The following PTBP2 variants were observed in gnomAD, a reference collection of about 807,000 sequenced individuals.
PTBP2 encodes the protein polypyrimidine tract binding protein 2, also known as polypyrimidine tract-binding protein 2.
A neutral mutation model predicts 61.4 loss-of-function variants in PTBP2; 13 were observed. That is an observed-to-expected ratio of 0.21 (90% CI 0.14 to 0.34). The LOEUF (loss-of-function observed/expected upper bound fraction) is 0.34, where lower values mean the gene tolerates loss of function less well. Among genes scored for constraint, PTBP2 ranks in the 10% least tolerant of loss-of-function variants. PTBP2 has a pLI of 1.00. For synonymous variants in PTBP2, 215 were observed against 218.5 expected (o/e 0.98, Z 0.14); for missense variants, 405 against 642.6 (o/e 0.63, Z 4.00).
chr1:96,743,227 C>T (rs1653289406), intron 2 of PTBP2, among the ~76,000 whole-genome samples: 1 of 150,852 alleles, frequency 6.6e-6, no homozygotes, highest in Non-Finnish European at 1.5e-5. Context: ...GCGGAGCTTG[C>T]AGTGGCGCCA....
At chr1:96,726,998 A>G (rs1390871969) in intron 2 of PTBP2, among the ~76,000 whole-genome samples, 3 of 152,234 alleles carry the variant, frequency 2.0e-5, no homozygotes, top group Admixed American at 2.0e-4. Flanking sequence ...AACCACTGCA[A>G]TCAAGATAAT....
At chr1:96,767,482 G>A (rs979287895) in intron 3 of PTBP2, among the ~76,000 whole-genome samples, 5 of 151,870 alleles carry the variant, frequency 3.3e-5, no homozygotes, top group Non-Finnish European at 7.4e-5. Flanking sequence ...TAACACATGG[G>A]GCTTTAGGTT....
At chr1:96,734,340 C>T (rs1308743313) in intron 2 of PTBP2, among the ~76,000 whole-genome samples, 1 of 152,136 alleles carries the variant, frequency 6.6e-6, no homozygotes, top group Non-Finnish European at 1.5e-5. Flanking sequence ...GGACTCTCCT[C>T]TCCTTTTTAA....
chr1:96,800,710 G>A (rs987685287), intron 8 of PTBP2, among the ~76,000 whole-genome samples: 2 of 152,054 alleles, frequency 1.3e-5, no homozygotes, highest in Non-Finnish European at 1.5e-5. Flanking sequence ...CTCTAGCCTG[G>A]GTGACAGAGC....
chr1:96,761,015 C>A (rs543594220), intron 3 of PTBP2, among the ~76,000 whole-genome samples: 2 of 152,188 alleles, frequency 1.3e-5, no homozygotes, highest in African/African-American at 4.8e-5. Flanking sequence ...GAATAGTAAG[C>A]ATTGTATGAA....
At chr1:96,723,494 GT>G in intron 1 of PTBP2, 69 bp from the exon 2 acceptor site, 1 of 1,382,360 alleles carries the variant, frequency 7.2e-7, no homozygotes, top group Non-Finnish European at 1.0e-6. Context: ...ATCCTAAAAA[GT>G]TTTAGAGCCA....
At position 96,786,712 on chromosome 1, in the gene PTBP2, A is replaced by G. The variant is rs554097157; in HGVS notation, c.904+1458A>G. Among the ~76,000 whole-genome samples, 7 of 152,342 alleles carry G rather than the reference A, an allele frequency of 4.6e-5. No homozygotes were observed. In the South Asian group the frequency reaches 1.4e-3, roughly 32 times the overall value. Reference sequence around the variant, plus strand: ...ATAGATGGTCTCATCAAGATTTTACATATAGTTTCTAAGAAGTTGAAAAAT... The same window carrying G: ...ATAGATGGTCTCATCAAGATTTTACGTATAGTTTCTAAGAAGTTGAAAAAT... On this transcript the variant is annotated intron_variant, in intron 8 of 13. Coordinates refer to ENST00000674951, the MANE Select transcript of PTBP2 (RefSeq NM_021190.4).
At chr1:96,816,373 T>TA (rs1341054307), downstream of PTBP2, 1 of 152,146 alleles carries the variant, frequency 6.6e-6, no homozygotes, top group African/African-American at 2.4e-5. Context: ...CTATGACTCT[T>TA]AGAGTGAACA....
chr1:96,748,675 T>C (rs951429187), intron 2 of PTBP2, among the ~76,000 whole-genome samples: 2 of 152,206 alleles, frequency 1.3e-5, no homozygotes, highest in African/African-American at 4.8e-5. Context: ...TTAAAGAGCA[T>C]GTATTCTTTA....
At chr1:96,779,310 A>G (rs1658391073) in intron 7 of PTBP2, among the ~76,000 whole-genome samples, 2 of 152,044 alleles carry the variant, frequency 1.3e-5, no homozygotes, top group South Asian at 4.1e-4. Context: ...TCACAACTTC[A>G]AACGTTTAAA....
chr1:96,816,924 A>G (rs375424900), downstream of PTBP2: 13 of 152,248 alleles, frequency 8.5e-5, 1 homozygote, highest in African/African-American at 3.1e-4. Context: ...ATTATCCACA[A>G]TACATGTTAT....
At chr1:96,726,055 A>G (rs1650419619) in intron 2 of PTBP2, among the ~76,000 whole-genome samples, 1 of 124,826 alleles carries the variant, frequency 8.0e-6, no homozygotes, top group Admixed American at 9.3e-5. Flanking sequence ...AGCCTGGGCG[A>G]CAGAGACAGA....
At chr1:96,789,407 G>T (rs1659549669) in intron 8 of PTBP2, among the ~76,000 whole-genome samples, 1 of 152,012 alleles carries the variant, frequency 6.6e-6, no homozygotes, top group South Asian at 2.1e-4. Context: ...TCTACCCCAG[G>T]CTGAGAATAG....
At chr1:96,821,044 G>A (rs1662667716) in exon 14 of PTBP2, 1 of 152,122 alleles carries the variant, frequency 6.6e-6, no homozygotes, top group Admixed American at 6.6e-5. Context: ...CTTGAGCAAG[G>A]CACTTCATTT....
At chr1:96,725,309 T>TC (rs1650259555) in intron 2 of PTBP2, among the ~76,000 whole-genome samples, 2 of 151,290 alleles carry the variant, frequency 1.3e-5, no homozygotes, top group African/African-American at 4.9e-5. Context: ...CAGTTTTTTT[T>TC]TTTTTTTTTT....
intron 2 of PTBP2, among the ~76,000 whole-genome samples, chr1:96,736,637 T>C (rs569493789): frequency 6.6e-6 from 1 of 152,294 alleles, no homozygotes; most frequent in South Asian, 2.1e-4. Flanking sequence ...AATATTTTGG[T>C]ATTTTGGGTT....
chr1:96,752,563 A>G (rs1452800258), intron 3 of PTBP2, among the ~76,000 whole-genome samples: 1 of 152,160 alleles, frequency 6.6e-6, no homozygotes, highest in Non-Finnish European at 1.5e-5. Flanking sequence ...TAATGATTAC[A>G]AAGCAAAATC....
chr1:96,801,096 C>G (rs920315042), intron 8 of PTBP2, among the ~76,000 whole-genome samples: 1 of 151,824 alleles, frequency 6.6e-6, no homozygotes, highest in Non-Finnish European at 1.5e-5. Context: ...AAAGTATTAA[C>G]CTTAGGCTGG....
chr1:96,768,342 T>TA (rs1553179899), intron 3 of PTBP2, among the ~76,000 whole-genome samples: 1 of 152,098 alleles, frequency 6.6e-6, no homozygotes, highest in Admixed American at 6.5e-5. Context: ...ATTTTGAAGA[T>TA]ACGTTGGAGA....
Sources: gnomAD v4.1 joint callset for allele counts (sites outside exome capture counted in the v4.1 genomes callset) on GRCh38, gnomAD v4.1.1 for gene constraint, MANE v1.5 for transcripts, NCBI Gene and HGNC (gene_info 2026-07-23, HGNC 2026-07-21) for gene names.